Variants in SYCP1 observed in about 807,000 individuals in gnomAD.
The protein encoded by SYCP1 is cancer/testis antigen 8.
Under a neutral mutation model 153.1 loss-of-function variants are expected in SYCP1, and 64 were observed. The ratio of observed to expected loss-of-function variants is 0.42; its 90% CI spans 0.34 to 0.51. The LOEUF is 0.51. SYCP1 is among the 20% of genes least tolerant of loss of function. SYCP1 has a pLI of 0.06. For synonymous variants in SYCP1, 384 were observed against 341.8 expected, an observed-to-expected ratio of 1.12 and a Z score of -1.36; for missense variants, 997 against 1,049.0, an observed-to-expected ratio of 0.95 and a Z score of 0.68.
chr1:114,978,475 G>A (rs1235950461), intron 28 of SYCP1, among the ~76,000 whole-genome samples: 1 of 151,520 alleles, frequency 6.6e-6, no homozygotes, highest in Non-Finnish European at 1.5e-5. Context: ...CCCTACATAT[G>A]GAAGGAAACA....
chr1:114,920,490 G>C (rs927598760), intron 20 of SYCP1, among the ~76,000 whole-genome samples: 1 of 152,064 alleles, frequency 6.6e-6, no homozygotes, highest in African/African-American at 2.4e-5. Flanking sequence ...ATATATATTA[G>C]GTTCATTTGG....
intron 29 of SYCP1, 76 bp from the exon 30 acceptor site, chr1:114,984,649 A>G: frequency 8.4e-7 from 1 of 1,193,464 alleles, no homozygotes; most frequent in Non-Finnish European, 1.1e-6. Flanking sequence ...TTGCCTTAAA[A>G]TTATTTGTGA....
At chr1:114,882,719 G>T (rs576424364) in intron 12 of SYCP1, among the ~76,000 whole-genome samples, 33 of 152,102 alleles carry the variant, frequency 2.2e-4, no homozygotes, top group Non-Finnish European at 3.8e-4. Flanking sequence ...GTTAAGGCCT[G>T]CTTAACATCC....
rs1172181528 is a variant in SYCP1, at chr1:114,992,767, GA to G, written c.2704-1924del. Among the ~76,000 whole-genome samples the G allele has an allele frequency of 2.6e-5, 4 of 151,332 alleles. No homozygotes were observed. The East Asian group carries it at 5.8e-4, about 22-fold the overall frequency. On this transcript the variant is annotated intron_variant, in intron 30 of 31. Coordinates refer to ENST00000369522, the MANE Select transcript of SYCP1 (RefSeq NM_003176.4). ...GACACCAAAAGCACAGGTAATGAAA[GA>G]AAAAAAGATAAATTGGACTGCATCA...
intron 27 of SYCP1, among the ~76,000 whole-genome samples, chr1:114,951,528 A>G (rs1303030602): frequency 6.6e-6 from 1 of 152,220 alleles, no homozygotes; most frequent in African/African-American, 2.4e-5. Flanking sequence ...AAACAGACTG[A>G]AAAACATTTT....
chr1:114,876,207 T>A (rs1257445735), intron 10 of SYCP1, 69 bp downstream of exon 10: 12 of 1,074,942 alleles, frequency 1.1e-5, no homozygotes, highest in African/African-American at 1.6e-5. Flanking sequence ...CAGATTCCGT[T>A]AATGTCTTCA....
At chr1:114,982,628 C>A (rs987896456) in intron 29 of SYCP1, among the ~76,000 whole-genome samples, 3 of 151,608 alleles carry the variant, frequency 2.0e-5, no homozygotes, top group Non-Finnish European at 4.4e-5. Context: ...TGCTTTTCTT[C>A]ATTTCTTTGA....
At chr1:114,985,912 GA>G (rs11395393) in intron 30 of SYCP1, among the ~76,000 whole-genome samples, 394 of 121,708 alleles carry the variant, frequency 3.2e-3, no homozygotes, top group East Asian at 0.01. Flanking sequence ...CAAAAAATTT[GA>G]AAAAAAAAAA....
At chr1:114,926,236 G>C (rs1219589268) in intron 21 of SYCP1, 42 bp from the exon 22 acceptor site, 1 of 1,393,056 alleles carries the variant, frequency 7.2e-7, no homozygotes, top group South Asian at 1.7e-5. Context: ...GTTTCAACTG[G>C]TATACTGAAT....
intron 16 of SYCP1, among the ~76,000 whole-genome samples, chr1:114,900,517 G>A (rs1044909448): frequency 2.6e-5 from 4 of 152,204 alleles, no homozygotes; most frequent in Non-Finnish European, 5.9e-5. Flanking sequence ...CTGACCACAA[G>A]TGATCCACCT....
intron 15 of SYCP1, among the ~76,000 whole-genome samples, chr1:114,893,570 C>T (rs1431223207): frequency 1.3e-5 from 2 of 152,142 alleles, no homozygotes; most frequent in Non-Finnish European, 2.9e-5. Flanking sequence ...TGTTTCTGTT[C>T]ACTCTATTAA....
rs1672136404 is a variant in SYCP1, at chr1:114,966,500, A to G, written c.2323-11057A>G. ...GGCATTTAGTGCTACAAATTTCCCT[A>G]TAAACACTGCTTTAGCTGTGTCCCA... On this transcript the variant is annotated intron_variant, in intron 27 of 31. Transcript: ENST00000369522. Among the ~76,000 whole-genome samples the G allele has an allele frequency of 2.0e-5, 3 of 152,206 alleles. No individual in the cohort carries two copies. The South Asian group carries it at 6.2e-4, about 32-fold the overall frequency.
chr1:114,977,009 C>G (rs1399383322), intron 27 of SYCP1, among the ~76,000 whole-genome samples: 5 of 151,698 alleles, frequency 3.3e-5, no homozygotes, highest in Non-Finnish European at 5.9e-5. Flanking sequence ...TTATGTAGGC[C>G]AGGCTTTTCT....
At chr1:114,920,315 C>G (rs1019349192) in intron 20 of SYCP1, among the ~76,000 whole-genome samples, 5 of 151,974 alleles carry the variant, frequency 3.3e-5, no homozygotes, top group Non-Finnish European at 7.4e-5. Flanking sequence ...TATTAACTTT[C>G]AGTTCAATTT....
At chr1:114,929,721 A>G (rs1390714283) in intron 23 of SYCP1, among the ~76,000 whole-genome samples, 1 of 152,038 alleles carries the variant, frequency 6.6e-6, no homozygotes, top group African/African-American at 2.4e-5. Flanking sequence ...AAATAAATGA[A>G]GCAAAAACTT....
chr1:114,858,501 A>G lies in SYCP1; in HGVS notation c.292-46A>G, dbSNP rs892420835. ...TTCAGTAGGCAGCTGTAGTTTGGTT[A>G]TATTAGAATTTTGGACAATTAATTT... On this transcript the variant is annotated intron_variant, in intron 5 of 31. Transcript: ENST00000369522. 6 of 1,491,018 alleles carry G rather than the reference A, an allele frequency of 4.0e-6. No homozygotes were observed. In the African/African-American group the frequency reaches 4.2e-5, roughly 10 times the overall value. 92.4% of individuals were successfully genotyped at this position (1,491,018 alleles called of 1,614,324 possible). A position where few individuals can be genotyped will look rare whatever the true frequency, so the allele number is the denominator to read the frequency against.
intron 23 of SYCP1, among the ~76,000 whole-genome samples, chr1:114,928,591 G>A (rs1369939758): frequency 6.6e-6 from 1 of 152,126 alleles, no homozygotes; most frequent in Non-Finnish European, 1.5e-5. Context: ...AATTTAAAAG[G>A]CGATATATTT....
intron 30 of SYCP1, among the ~76,000 whole-genome samples, chr1:114,988,090 A>G (rs1673651078): frequency 6.7e-6 from 1 of 149,982 alleles, no homozygotes; most frequent in Non-Finnish European, 1.5e-5. Context: ...CAAAAAAAAA[A>G]AAAAAAGAAA....
intron 28 of SYCP1, among the ~76,000 whole-genome samples, chr1:114,979,121 G>T (rs1169111516): frequency 2.0e-5 from 3 of 147,774 alleles, no homozygotes; most frequent in African/African-American, 5.0e-5. Context: ...GATGAATGAA[G>T]AAATTTAACT....
Sources: gnomAD v4.1 joint callset for allele counts (sites outside exome capture counted in the v4.1 genomes callset) on GRCh38, gnomAD v4.1.1 for gene constraint, MANE v1.5 for transcripts, NCBI Gene and HGNC (gene_info 2026-07-23, HGNC 2026-07-21) for gene names.